UCHL5: variants seen among roughly 807,000 people sequenced by gnomAD.
UCHL5 encodes ubiquitin C-terminal hydrolase L5.
Under a neutral mutation model 53.8 loss-of-function variants are expected in UCHL5, and 34 were observed. That is an observed-to-expected ratio of 0.63 (90% CI 0.48 to 0.84). The LOEUF (loss-of-function observed/expected upper bound fraction) is 0.84, where lower values mean the gene tolerates loss of function less well. UCHL5 is among the 40% of genes least tolerant of loss of function. UCHL5 has a pLI of 0.00. For synonymous variants in UCHL5, 111 were observed against 126.3 expected (o/e 0.88, Z 0.81); for missense variants, 290 against 385.6 (o/e 0.75, Z 2.08).
intron 3 of UCHL5, among the ~76,000 whole-genome samples, chr1:193,036,876 G>A (rs755381156): frequency 6.6e-6 from 1 of 151,630 alleles, no homozygotes; most frequent in Non-Finnish European, 1.5e-5. Flanking sequence ...CAAACACATA[G>A]AGATTAAACA....
At chr1:193,030,291 T>C (rs1257924659) in intron 3 of UCHL5, among the ~76,000 whole-genome samples, 2 of 152,218 alleles carry the variant, frequency 1.3e-5, no homozygotes, top group African/African-American at 4.8e-5. Flanking sequence ...TTCTAGGCAC[T>C]CTACATGCAT....
intron 8 of UCHL5, 149 bp from the exon 9 acceptor site, chr1:193,023,185 G>T (rs909124459): frequency 5.1e-6 from 3 of 590,790 alleles, no homozygotes; most frequent in Non-Finnish European, 8.9e-6. Context: ...AGCATTAAAG[G>T]ATAAAAGCCC....
intron 3 of UCHL5, among the ~76,000 whole-genome samples, chr1:193,040,920 C>T (rs969461557): frequency 6.6e-6 from 1 of 152,114 alleles, no homozygotes; most frequent in Non-Finnish European, 1.5e-5. Context: ...TTCTCACTCA[C>T]ATGTGAAAGC....
chr1:193,029,709 G>T (rs1431512095), intron 3 of UCHL5, 52 bp from the exon 4 acceptor site: 16 of 1,450,260 alleles, frequency 1.1e-5, no homozygotes, highest in Middle Eastern at 2.5e-4. Flanking sequence ...ATAAAAAATG[G>T]TTTTTAACTG....
chr1:193,049,881 C>G, intron 2 of UCHL5, 30 bp from the exon 3 acceptor site: 1 of 1,553,234 alleles, frequency 6.4e-7, no homozygotes, highest in South Asian at 1.2e-5. Context: ...TTAATGACAT[C>G]AAACCCTGCT....
chr1:193,023,175 A>C (rs1276172956), intron 8 of UCHL5, 139 bp from the exon 9 acceptor site: 2 of 616,338 alleles, frequency 3.2e-6, no homozygotes, highest in Non-Finnish European at 5.6e-6. Flanking sequence ...GCCTAACAGC[A>C]GCATTAAAGG....
chr1:193,041,644 T>C (rs1464842237), intron 3 of UCHL5, among the ~76,000 whole-genome samples: 2 of 152,182 alleles, frequency 1.3e-5, no homozygotes, highest in South Asian at 2.1e-4. Flanking sequence ...CAGGAGAAAC[T>C]TGCACATGTA....
chr1:193,025,228 A>G (rs900241422), intron 7 of UCHL5, among the ~76,000 whole-genome samples: 1 of 152,210 alleles, frequency 6.6e-6, no homozygotes, highest in Non-Finnish European at 1.5e-5. Context: ...TTTAGACAAT[A>G]ATCATTCCAC....
chr1:193,060,042 G>C (rs1323521739), upstream of UCHL5: 1 of 1,342,830 alleles, frequency 7.4e-7, no homozygotes, highest in Non-Finnish European at 9.9e-7. Context: ...GCTCCTGCTT[G>C]TCGGCATCGC....
At chr1:193,059,916 C>G (rs41265201), upstream of UCHL5, 2 of 1,365,952 alleles carry the variant, frequency 1.5e-6, no homozygotes, top group South Asian at 1.1e-5. This position sits in a 1 kb window ranked among gnomAD's most constrained non-coding sequence, Gnocchi z 4.9. Context: ...CGCTCTTCCC[C>G]GTCCCGCTTC....
At chr1:193,059,539 A>C (rs778551602), upstream of UCHL5, 11 of 1,550,090 alleles carry the variant, frequency 7.1e-6, no homozygotes, top group Non-Finnish European at 8.8e-6. This position sits in a 1 kb window ranked among gnomAD's most constrained non-coding sequence, Gnocchi z 4.9. Context: ...GCGGTGATTC[A>C]CAGCGCCGAG....
At chr1:193,059,797 C>G (rs1310833380), upstream of UCHL5, 2 of 1,356,074 alleles carry the variant, frequency 1.5e-6, no homozygotes, top group East Asian at 4.6e-5. The surrounding 1 kb of genome is among the most constrained non-coding windows in gnomAD (Gnocchi z 4.9). Context: ...TGCGGGAGGC[C>G]GGCTGGGAGC....
intron 1 of UCHL5, among the ~76,000 whole-genome samples, chr1:193,058,214 G>A (rs981185722): frequency 2.0e-5 from 3 of 152,002 alleles, no homozygotes; most frequent in Admixed American, 1.3e-4. Context: ...GCGACAGAGC[G>A]AGACTCTGTC....
intron 3 of UCHL5, among the ~76,000 whole-genome samples, chr1:193,030,038 G>A (rs979862350): frequency 1.3e-5 from 2 of 152,018 alleles, no homozygotes; most frequent in Non-Finnish European, 2.9e-5. Flanking sequence ...TTTTATAACC[G>A]AGCATAAGCT....
chr1:193,028,987 A>G (rs564199938), intron 6 of UCHL5, among the ~76,000 whole-genome samples, 192 bp downstream of exon 6: 9 of 152,300 alleles, frequency 5.9e-5, no homozygotes, highest in African/African-American at 1.9e-4. Flanking sequence ...AAAGGCATCA[A>G]CTGAACTATG....
rs1026227678 is a variant in UCHL5 at position 193,042,213 on chromosome 1, A to G, written c.246+7533T>C. On this transcript the variant is annotated intron_variant, in intron 3 of 10. Coordinates refer to ENST00000367454, the MANE Select transcript of UCHL5 (RefSeq NM_001199261.3). ...CCTTTTTCAGGATTACAAAAAATAC[A>G]TAAAAAGAAAATGATAAACAGAATT... Among the ~76,000 whole-genome samples the G allele has an allele frequency of 1.4e-4, 21 of 152,348 alleles. 1 individual carries two copies. In the South Asian group the frequency reaches 3.7e-3, roughly 27 times the overall value.
At chr1:193,045,950 AAAC>A (rs1258757318) in intron 3 of UCHL5, among the ~76,000 whole-genome samples, 1 of 152,222 alleles carries the variant, frequency 6.6e-6, no homozygotes, top group Admixed American at 6.5e-5. Flanking sequence ...TAAAATTTAC[AAAC>A]AACTGTGGAT....
rs146295014 is a variant in UCHL5, at chr1:193,057,674, T to C, written c.76+1511A>G. 2.1e-3 allele frequency among the ~76,000 whole-genome samples: 317 copies of C among 152,342 alleles called. 2 individuals are homozygous for C. Among genetic ancestry groups the C allele is most frequent in the African/African-American group, 6.6e-3 (274 of 41,576 alleles). On this transcript the variant is annotated intron_variant, in intron 1 of 10. Transcript: ENST00000367454. Reference sequence around the variant, plus strand: ...ACTATACAACATGGCATACAATCTGTCCTCAGTTTATCTTTTCAGTTTCAG... The same window carrying C: ...ACTATACAACATGGCATACAATCTGCCCTCAGTTTATCTTTTCAGTTTCAG...
intron 10 of UCHL5, 149 bp downstream of exon 10, chr1:193,020,948 C>T: frequency 1.7e-6 from 1 of 596,442 alleles, no homozygotes; most frequent in Non-Finnish European, 2.9e-6. Context: ...CTAATTCTTA[C>T]AGAGTAGAAA....
Sources: allele counts gnomAD v4.1 joint callset (sites outside exome capture counted in the v4.1 genomes callset), GRCh38; gene constraint gnomAD v4.1.1; non-coding constraint Gnocchi (gnomAD v3.1); transcripts MANE v1.5; gene names NCBI Gene and HGNC (gene_info 2026-07-23, HGNC 2026-07-21).